Variants in MSTO1 observed in about 807,000 individuals in gnomAD.
The protein encoded by MSTO1 is misato mitochondrial distribution and morphology regulator 1.
A neutral mutation model predicts 55.7 loss-of-function variants in MSTO1; 24 were observed. The ratio of observed to expected loss-of-function variants is 0.43; its 90% CI spans 0.31 to 0.61. The LOEUF is 0.61. Ranked by LOEUF, MSTO1 falls within the 20% of genes least tolerant of loss-of-function variation. MSTO1 has a pLI of 0.09. For missense variants in MSTO1, 363 were observed against 625.7 expected (o/e 0.58, Z 4.48); for synonymous variants, 162 against 252.8 (o/e 0.64, Z 3.41).
At chr1:155,602,269 G>A in the MSTO1 span, 177 of 335,358 alleles carry the variant, frequency 5.3e-4, no homozygotes, top group African/African-American at 3.5e-3. Context: ...ACTTGAGGTC[G>A]GAAGTTCGAA....
At chr1:155,571,798 A>C in the MSTO1 span, among the ~76,000 whole-genome samples, 1 of 152,204 alleles carries the variant, frequency 6.6e-6, no homozygotes, top group Non-Finnish European at 1.5e-5. Context: ...CTGTAATCCC[A>C]GCACTTTGGG....
At chr1:155,590,789 C>T in the MSTO1 span, 1 of 1,606,868 alleles carries the variant, frequency 6.2e-7, no homozygotes, top group Non-Finnish European at 8.5e-7. Flanking sequence ...GCCCCCAGCT[C>T]CCACTTTTGG....
the MSTO1 span, among the ~76,000 whole-genome samples, chr1:155,577,190 G>A: frequency 1.3e-5 from 2 of 150,638 alleles, no homozygotes; most frequent in Non-Finnish European, 3.0e-5. Context: ...CCAGGTTCAC[G>A]CCATTCTCCT....
At chr1:155,601,676 C>G in the MSTO1 span, among the ~76,000 whole-genome samples, 1 of 152,250 alleles carries the variant, frequency 6.6e-6, no homozygotes, top group East Asian at 1.9e-4. Flanking sequence ...AAGTCATTTC[C>G]CATAACTTAA....
the MSTO1 span, among the ~76,000 whole-genome samples, chr1:155,592,596 C>G: frequency 1.3e-5 from 2 of 152,092 alleles, no homozygotes; most frequent in Non-Finnish European, 2.9e-5. Flanking sequence ...CTCTGTTTCC[C>G]AGGCTGGAGT....
In MSTO1 at chr1:155,614,788, C is replaced by T. The variant is rs1675250536; in HGVS notation, c.*515C>T. On this transcript the variant is annotated 3_prime_UTR_variant, in exon 14 of 14. Coordinates refer to ENST00000245564, the MANE Select transcript of MSTO1 (RefSeq NM_018116.4). ...AGACAGCTGGTCTGCATTGCTGGTACTGGTTGCATCATCCTCATCCTCAGA... is the reference window on the plus strand; with the variant it reads ...AGACAGCTGGTCTGCATTGCTGGTATTGGTTGCATCATCCTCATCCTCAGA... 6.5e-6 allele frequency: 10 copies of T among 1,543,440 alleles called. 1 individual carries two copies. The South Asian group carries it at 1.2e-4, about 18-fold the overall frequency.
chr1:155,590,481 C>T, the MSTO1 span: 1 of 507,212 alleles, frequency 2.0e-6, no homozygotes, highest in Non-Finnish European at 3.4e-6. Context: ...TTTAAATACC[C>T]TCAGTCAAAA....
rs750425219 is a variant in MSTO1 at position 155,611,261 on chromosome 1, C to T, written c.336C>T (p.Asn112=). ...ACAAAGAGGAACTCTATCCCAAGAA[C>T]CCTTATCTCCAAGACTTTCTGAGTG... ...TTHKEELYPK[N]PYLQDFLSAE... Residue 112 remains asparagine, a synonymous_variant, in exon 4 of 14, where the codon AAC becomes AAT. Coordinates refer to ENST00000245564, the MANE Select transcript of MSTO1 (RefSeq NM_018116.4). 1.2e-6 allele frequency: 2 copies of T among 1,610,950 alleles called. No homozygotes were observed. Among genetic ancestry groups the T allele is most frequent in the East Asian group, 2.2e-5 (1 of 44,776 alleles).
chr1:155,578,309 G>A, the MSTO1 span, among the ~76,000 whole-genome samples: 1 of 149,038 alleles, frequency 6.7e-6, no homozygotes, highest in Non-Finnish European at 1.5e-5. Flanking sequence ...GGGGAGGGGT[G>A]GGGAGCAGAG....
the MSTO1 span, among the ~76,000 whole-genome samples, chr1:155,595,070 A>AGAG: frequency 6.6e-6 from 1 of 150,554 alleles, no homozygotes; most frequent in African/African-American, 2.4e-5. Flanking sequence ...CCCAGGAGGC[A>AGAG]GAGGGTGCAG....
the MSTO1 span, among the ~76,000 whole-genome samples, chr1:155,576,413 G>A: frequency 6.6e-6 from 1 of 151,814 alleles, no homozygotes; most frequent in African/African-American, 2.4e-5. Context: ...TGCAACTTCC[G>A]CCTCCCGGGT....
chr1:155,597,798 C>A, the MSTO1 span, among the ~76,000 whole-genome samples: 4 of 150,276 alleles, frequency 2.7e-5, no homozygotes, highest in Admixed American at 1.3e-4. Flanking sequence ...GCGTGAGCCA[C>A]AGCACCCAGC....
At chr1:155,598,990 T>C in the MSTO1 span, 1 of 864,544 alleles carries the variant, frequency 1.2e-6, no homozygotes, top group Non-Finnish European at 1.8e-6. Flanking sequence ...GTAGCTTTAA[T>C]TTTCTAACGG....
chr1:155,608,495 T>TC (rs1673032626), upstream of MSTO1, among the ~76,000 whole-genome samples: 1 of 145,980 alleles, frequency 6.9e-6, no homozygotes, highest in African/African-American at 2.6e-5. Flanking sequence ...TTGCCTTATC[T>TC]CTTTTTTTTT....
Position 155,614,574 on chromosome 1 carries a change from T to A in MSTO1, c.*301T>A. ...GGCAGAGCCCCTGGGTCCTACTCCA[T>A]CCTCCAGCCTTTGTCCTTGTCCTGG... On this transcript the variant is annotated 3_prime_UTR_variant, in exon 14 of 14. Transcript: ENST00000245564. The A allele has an allele frequency of 1.6e-6, 1 of 624,146 alleles. No homozygotes were observed. Among genetic ancestry groups the A allele is most frequent in the Non-Finnish European group, 2.9e-6 (1 of 340,928 alleles). 38.7% of individuals were successfully genotyped at this position (624,146 alleles called of 1,614,324 possible).
At chr1:155,564,155 T>C in the MSTO1 span, among the ~76,000 whole-genome samples, 1 of 152,220 alleles carries the variant, frequency 6.6e-6, no homozygotes, top group Admixed American at 6.5e-5. Flanking sequence ...TTCACATTTG[T>C]GGACTCCTGG....
chr1:155,588,159 T>A, the MSTO1 span, among the ~76,000 whole-genome samples: 1 of 145,292 alleles, frequency 6.9e-6, no homozygotes, highest in Non-Finnish European at 1.5e-5. Context: ...CAGTGAGCCG[T>A]GACTGAGCCA....
At chr1:155,567,586 C>A in the MSTO1 span, among the ~76,000 whole-genome samples, 2 of 151,848 alleles carry the variant, frequency 1.3e-5, no homozygotes, top group Non-Finnish European at 2.9e-5. Context: ...AGGCGTGAGC[C>A]ACCGCGCCCG....
the MSTO1 span, among the ~76,000 whole-genome samples, chr1:155,571,897 T>G: frequency 6.6e-6 from 1 of 151,752 alleles, no homozygotes; most frequent in Admixed American, 6.6e-5. Context: ...CAAAAATTAG[T>G]CGGATGTGGT....
Sources: gnomAD v4.1 joint callset for allele counts (sites outside exome capture counted in the v4.1 genomes callset) on GRCh38, gnomAD v4.1.1 for gene constraint, MANE v1.5 for transcripts, NCBI Gene and HGNC (gene_info 2026-07-23, HGNC 2026-07-21) for gene names.